Variants in GPR15LG observed in about 807,000 individuals in gnomAD.
GPR15LG encodes protein GPR15LG.
the GPR15LG span, chr10:84,176,717 T>C: frequency 3.3e-6 from 2 of 600,036 alleles, no homozygotes; most frequent in East Asian, 2.9e-5. Context: ...ATTTGTTGAC[T>C]CCCCCCCAAA....
chr10:84,180,913 C>T, the GPR15LG span, among the ~76,000 whole-genome samples: 2 of 152,190 alleles, frequency 1.3e-5, no homozygotes, highest in Admixed American at 6.5e-5. Context: ...GGCGAAACCC[C>T]GTCTCCACCA....
At chr10:84,176,345 C>A in the GPR15LG span, 1 of 716,796 alleles carries the variant, frequency 1.4e-6, no homozygotes, top group East Asian at 2.7e-5. Context: ...CACTCTTTCC[C>A]TAGGACCTCT....
At chr10:84,180,428 G>GCTGCAATCTCAGCACTTTGGGA in the GPR15LG span, among the ~76,000 whole-genome samples, 2 of 151,392 alleles carry the variant, frequency 1.3e-5, no homozygotes, top group East Asian at 1.9e-4. Context: ...CCGGGCAGAG[G>GCTGCAATCTCAGCACTTTGGGA]GGCTCCTCAG....
chr10:84,185,013 C>T, the GPR15LG span: 3 of 1,347,970 alleles, frequency 2.2e-6, no homozygotes, highest in Non-Finnish European at 2.9e-6. Context: ...ACCATGTGGG[C>T]CTCTCCAGTG....
chr10:84,183,648 TTA>T, the GPR15LG span, among the ~76,000 whole-genome samples: 1 of 151,844 alleles, frequency 6.6e-6, no homozygotes, highest in Admixed American at 6.6e-5. Context: ...TTATTGTTTA[TTA>T]TTTATTTTTT....
the GPR15LG span, chr10:84,176,645 C>A: frequency 1.0e-6 from 1 of 993,778 alleles, no homozygotes; most frequent in Non-Finnish European, 1.6e-6. Context: ...ACACACTGAT[C>A]AGCCCCCACC....
chr10:84,174,580 G>A, the GPR15LG span, among the ~76,000 whole-genome samples: 46 of 138,164 alleles, frequency 3.3e-4, no homozygotes, highest in African/African-American at 1.2e-3. Flanking sequence ...TGCAATCTCC[G>A]CCTCCTGGGT....
chr10:84,182,188 C>G, the GPR15LG span, among the ~76,000 whole-genome samples: 1 of 152,170 alleles, frequency 6.6e-6, no homozygotes, highest in African/African-American at 2.4e-5. Context: ...ACGATGATAC[C>G]AGGATGGACA....
chr10:84,176,657 A>G, the GPR15LG span: 6 of 876,820 alleles, frequency 6.8e-6, no homozygotes, highest in Non-Finnish European at 1.1e-5. Context: ...GCCCCCACCC[A>G]TGGCTGGCAT....
chr10:84,185,003 A>G, the GPR15LG span: 1 of 1,365,050 alleles, frequency 7.3e-7, no homozygotes, highest in East Asian at 3.0e-5. Context: ...CTCAGTCGCC[A>G]CCATGTGGGC....
the GPR15LG span, among the ~76,000 whole-genome samples, chr10:84,179,057 C>T: frequency 1.1e-3 from 173 of 152,284 alleles, no homozygotes; most frequent in African/African-American, 3.9e-3. Context: ...GTTCTGTAGC[C>T]GGTGTATGAA....
chr10:84,174,082 G>A, the GPR15LG span, among the ~76,000 whole-genome samples: 1 of 152,172 alleles, frequency 6.6e-6, no homozygotes, highest in African/African-American at 2.4e-5. Context: ...TAGGTTTGGG[G>A]CTCAGGACTG....
the GPR15LG span, among the ~76,000 whole-genome samples, chr10:84,177,622 A>C: frequency 2.0e-5 from 3 of 152,162 alleles, no homozygotes; most frequent in African/African-American, 7.2e-5. Flanking sequence ...CCAGCCGCAG[A>C]CCTTCTCCCG....
the GPR15LG span, among the ~76,000 whole-genome samples, chr10:84,178,006 CACACACACAG>C: frequency 2.0e-5 from 3 of 151,938 alleles, no homozygotes; most frequent in African/African-American, 7.3e-5. Flanking sequence ...ACCACACAAC[CACACACACAG>C]ACACACACAA....
At chr10:84,184,870 C>T in the GPR15LG span, 5 of 1,542,468 alleles carry the variant, frequency 3.2e-6, no homozygotes, top group Non-Finnish European at 4.3e-6. Context: ...CAGTGAGCTG[C>T]AATGTTGGAG....
chr10:84,176,598 G>A, the GPR15LG span: 1 of 1,549,046 alleles, frequency 6.5e-7, no homozygotes, highest in Non-Finnish European at 8.9e-7. Context: ...TCCAGACTGT[G>A]GGGCAGAAGT....
the GPR15LG span, among the ~76,000 whole-genome samples, chr10:84,179,224 A>C: frequency 6.6e-6 from 1 of 152,140 alleles, no homozygotes; most frequent in African/African-American, 2.4e-5. Context: ...GTTATAATAG[A>C]ATCTGCCTCA....
At chr10:84,179,074 C>T in the GPR15LG span, among the ~76,000 whole-genome samples, 2 of 152,192 alleles carry the variant, frequency 1.3e-5, no homozygotes, top group African/African-American at 2.4e-5. Flanking sequence ...TGAAGACATG[C>T]GCGTGCAAGC....
chr10:84,179,303 G>A, the GPR15LG span, among the ~76,000 whole-genome samples: 442 of 152,336 alleles, frequency 2.9e-3, 1 homozygote, highest in Non-Finnish European at 4.8e-3. Context: ...GCCACATGGT[G>A]CCCCGTAAAC....
Sources: allele counts gnomAD v4.1 joint callset (sites outside exome capture counted in the v4.1 genomes callset), GRCh38; gene constraint gnomAD v4.1.1; transcripts MANE v1.5; gene names NCBI Gene and HGNC (gene_info 2026-07-23, HGNC 2026-07-21).